Variants in ESRRG observed in about 807,000 individuals in gnomAD.
ESRRG encodes estrogen related receptor gamma.
A neutral mutation model predicts 44.0 loss-of-function variants in ESRRG; 13 were observed. The ratio of observed to expected loss-of-function variants is 0.30; its 90% CI spans 0.19 to 0.47. The LOEUF (loss-of-function observed/expected upper bound fraction) is 0.47, where lower values mean the gene tolerates loss of function less well. Ranked by LOEUF, ESRRG falls within the 20% of genes least tolerant of loss-of-function variation. ESRRG has a pLI of 1.00. For synonymous variants in ESRRG, 215 were observed against 214.6 expected, an observed-to-expected ratio of 1.00 and a Z score of -0.02; for missense variants, 395 against 580.6, an observed-to-expected ratio of 0.68 and a Z score of 3.29.
At chr1:216,958,677 A>T (rs2068437183) in intron 1 of ESRRG, among the ~76,000 whole-genome samples, 1 of 152,170 alleles carries the variant, frequency 6.6e-6, no homozygotes, top group African/African-American at 2.4e-5. Flanking sequence ...AGCATTTCAG[A>T]TCACTCACTA....
intron 1 of ESRRG, among the ~76,000 whole-genome samples, chr1:216,951,194 T>C (rs1468099300): frequency 1.3e-5 from 2 of 152,224 alleles, no homozygotes; most frequent in Non-Finnish European, 2.9e-5. Flanking sequence ...CTGATGTCAC[T>C]ATTTATAGCC....
chr1:217,048,317 A>G (rs926076503), intron 1 of ESRRG, among the ~76,000 whole-genome samples: 2 of 152,212 alleles, frequency 1.3e-5, no homozygotes, highest in East Asian at 3.9e-4. Flanking sequence ...TTCCAGATGG[A>G]ACACGGAGTC....
At chr1:217,122,078 G>A (rs2092827583) in intron 1 of ESRRG, among the ~76,000 whole-genome samples, 2 of 152,218 alleles carry the variant, frequency 1.3e-5, no homozygotes, top group African/African-American at 4.8e-5. Flanking sequence ...TAAAGCAGAT[G>A]GGCCAGATCA....
At chr1:217,131,619 A>G (rs2092967774) in intron 1 of ESRRG, among the ~76,000 whole-genome samples, 1 of 152,212 alleles carries the variant, frequency 6.6e-6, no homozygotes, top group African/African-American at 2.4e-5. Context: ...AAATGAAGTG[A>G]GATATTGGAG....
intron 1 of ESRRG, among the ~76,000 whole-genome samples, chr1:216,985,256 C>T (rs1016974915): frequency 5.9e-5 from 9 of 152,184 alleles, no homozygotes; most frequent in African/African-American, 2.2e-4. Flanking sequence ...TTTTTCCCAA[C>T]ACCACAGGAA....
intron 3 of ESRRG, among the ~76,000 whole-genome samples, chr1:216,618,420 GGAATT>G (rs1280882909): frequency 1.3e-5 from 2 of 152,162 alleles, no homozygotes. Flanking sequence ...AGGTTATACA[GGAATT>G]GAATCTGCCA....
intron 1 of ESRRG, among the ~76,000 whole-genome samples, chr1:216,984,717 G>T (rs562716435): frequency 1.3e-5 from 2 of 152,130 alleles, no homozygotes; most frequent in Non-Finnish European, 2.9e-5. Context: ...GCCCACAGGA[G>T]AGTTATTTGC....
intron 1 of ESRRG, among the ~76,000 whole-genome samples, chr1:216,978,618 C>T (rs1022073170): frequency 6.6e-6 from 1 of 152,178 alleles, no homozygotes; most frequent in Non-Finnish European, 1.5e-5. Flanking sequence ...CATGGACAAC[C>T]CAGTTTCTCA....
chr1:216,533,285 T>C (rs2049950229), intron 5 of ESRRG, among the ~76,000 whole-genome samples: 1 of 150,646 alleles, frequency 6.6e-6, no homozygotes, highest in Non-Finnish European at 1.5e-5. Flanking sequence ...AAATAAAAGG[T>C]ATATATTAGA....
chr1:216,852,322 G>A (rs1456311332), intron 2 of ESRRG, among the ~76,000 whole-genome samples: 2 of 152,264 alleles, frequency 1.3e-5, no homozygotes, highest in East Asian at 1.9e-4. Context: ...AGTTAATCAA[G>A]ATGGTGAACA....
intron 6 of ESRRG, among the ~76,000 whole-genome samples, chr1:216,511,219 T>C (rs531247267): frequency 1.2e-3 from 183 of 152,218 alleles, no homozygotes; most frequent in Non-Finnish European, 2.2e-3. Flanking sequence ...AAACAGAATG[T>C]CATGGAAAGA....
At chr1:216,971,481 C>T (rs183777637) in intron 1 of ESRRG, among the ~76,000 whole-genome samples, 15 of 152,290 alleles carry the variant, frequency 9.8e-5, no homozygotes, top group Admixed American at 2.6e-4. Context: ...ACAATATTCC[C>T]CTCTCTGATA....
At chr1:216,647,595 TA>T (rs1330201794) in intron 3 of ESRRG, among the ~76,000 whole-genome samples, 1 of 152,206 alleles carries the variant, frequency 6.6e-6, no homozygotes, top group Non-Finnish European at 1.5e-5. Flanking sequence ...TTTAATTATG[TA>T]CAATGTGATG....
rs558541191 is a variant in ESRRG at position 217,006,362 on chromosome 1, T to C, written c.-105-66689A>G. ...AACTTTAATTCTACAAATAACACCATCAATAATTTGGATTAGTAATCTTAA... is the reference window on the plus strand; with the variant it reads ...AACTTTAATTCTACAAATAACACCACCAATAATTTGGATTAGTAATCTTAA... On this transcript the variant is annotated intron_variant, in intron 1 of 7. Transcript: ENST00000359162. Among the ~76,000 whole-genome samples the C allele has an allele frequency of 2.6e-5, 4 of 152,206 alleles. No individual in the cohort carries two copies. The East Asian group carries it at 7.7e-4, about 29-fold the overall frequency.
intron 1 of ESRRG, among the ~76,000 whole-genome samples, chr1:216,953,911 T>G (rs962529653): frequency 1.3e-5 from 2 of 151,964 alleles, no homozygotes; most frequent in Non-Finnish European, 2.9e-5. Flanking sequence ...TATATCAATT[T>G]GGGGGGCAAT....
intron 2 of ESRRG, among the ~76,000 whole-genome samples, chr1:216,839,932 G>C (rs910641519): frequency 6.6e-6 from 1 of 152,178 alleles, no homozygotes; most frequent in Admixed American, 6.5e-5. Context: ...GGCAGAGAAG[G>C]ATTTAGCATC....
intron 2 of ESRRG, among the ~76,000 whole-genome samples, chr1:216,768,885 A>G (rs931431566): frequency 6.6e-6 from 1 of 152,126 alleles, no homozygotes; most frequent in Non-Finnish European, 1.5e-5. Flanking sequence ...CTCTACTAAG[A>G]ACAAGAGTCA....
intron 2 of ESRRG, among the ~76,000 whole-genome samples, chr1:216,796,678 G>A (rs1296394229): frequency 6.6e-6 from 1 of 151,866 alleles, no homozygotes; most frequent in Non-Finnish European, 1.5e-5. Context: ...CACTTCCTGA[G>A]GAACCTTATC....
chr1:216,790,570 G>T (rs939168741), intron 2 of ESRRG, among the ~76,000 whole-genome samples: 5 of 152,102 alleles, frequency 3.3e-5, no homozygotes, highest in African/African-American at 1.2e-4. Context: ...TTGCAAAGAG[G>T]ATATGCAAAG....
Sources: gnomAD v4.1 joint callset for allele counts (sites outside exome capture counted in the v4.1 genomes callset) on GRCh38, gnomAD v4.1.1 for gene constraint, MANE v1.5 for transcripts, NCBI Gene and HGNC (gene_info 2026-07-23, HGNC 2026-07-21) for gene names.